Variants in DCHS2 observed in about 807,000 individuals in gnomAD.
DCHS2 encodes protocadherin-23.
In DCHS2, 142 loss-of-function variants were observed where a neutral mutation model predicts 182.4. The ratio of observed to expected loss-of-function variants is 0.78; its 90% CI spans 0.68 to 0.89. The LOEUF (loss-of-function observed/expected upper bound fraction) is 0.89, where lower values mean the gene tolerates loss of function less well. Ranked by LOEUF, DCHS2 falls within the 40% of genes least tolerant of loss-of-function variation. The pLI, the probability that DCHS2 is intolerant of heterozygous loss-of-function variation, is 0.00. For missense variants in DCHS2, 4,319 were observed against 4,198.6 expected (o/e 1.03, Z -0.79); for synonymous variants, 1,740 against 1,663.3 (o/e 1.05, Z -1.12).
intron 2 of DCHS2, among the ~76,000 whole-genome samples, chr4:154,370,361 G>A (rs1730585515): frequency 6.6e-6 from 1 of 152,170 alleles, no homozygotes; most frequent in South Asian, 2.1e-4. Context: ...ATTGAAAAGT[G>A]AGGAAATGGA....
At chr4:154,299,451 A>G (rs1470826660) in intron 12 of DCHS2, among the ~76,000 whole-genome samples, 1 of 152,232 alleles carries the variant, frequency 6.6e-6, no homozygotes, top group Non-Finnish European at 1.5e-5. Flanking sequence ...CCTGAAAATT[A>G]GTGAAGAAAA....
At chr4:154,433,381 G>T (rs1272795391) in intron 1 of DCHS2, among the ~76,000 whole-genome samples, 8 of 127,572 alleles carry the variant, frequency 6.3e-5, no homozygotes, top group South Asian at 2.5e-4. Context: ...CAAATAACTA[G>T]TTTTTTTTTT....
At chr4:154,296,318 G>C (rs536829241) in intron 13 of DCHS2, among the ~76,000 whole-genome samples, 1 of 152,250 alleles carries the variant, frequency 6.6e-6, no homozygotes, top group African/African-American at 2.4e-5. Context: ...ATCTGGCTTG[G>C]AAATGCGAGG....
At chr4:154,357,264 A>T (rs777947918) in intron 3 of DCHS2, 3 of 1,613,486 alleles carry the variant, frequency 1.9e-6, no homozygotes, top group South Asian at 2.2e-5. Context: ...ACTGTTCATT[A>T]CTTCCTTGTC....
chr4:154,472,711 A>T (rs964353436), intron 1 of DCHS2, among the ~76,000 whole-genome samples: 1 of 152,090 alleles, frequency 6.6e-6, no homozygotes, highest in African/African-American at 2.4e-5. Context: ...TGGATATGAA[A>T]ACCCATATTA....
At chr4:154,305,586 A>C (rs1290499386) in intron 10 of DCHS2, among the ~76,000 whole-genome samples, 1 of 152,238 alleles carries the variant, frequency 6.6e-6, no homozygotes, top group African/African-American at 2.4e-5. Flanking sequence ...GTAAGCTTGC[A>C]GGGCAAATGA....
intron 1 of DCHS2, among the ~76,000 whole-genome samples, chr4:154,396,847 G>C (rs1318722622): frequency 2.0e-5 from 3 of 152,158 alleles, no homozygotes; most frequent in Non-Finnish European, 2.9e-5. Flanking sequence ...GCCCGCAGCT[G>C]AGGTAATCTT....
At chr4:154,373,678 T>A (rs1020745139) in intron 2 of DCHS2, among the ~76,000 whole-genome samples, 4 of 151,938 alleles carry the variant, frequency 2.6e-5, no homozygotes, top group African/African-American at 9.7e-5. Context: ...TCAGGAGGGG[T>A]CCTGCTTCCA....
intron 17 of DCHS2, 39 bp downstream of exon 17, chr4:154,242,603 A>G (rs761360612): frequency 6.3e-7 from 1 of 1,596,944 alleles, no homozygotes; most frequent in East Asian, 2.3e-5. Flanking sequence ...GATATTATAC[A>G]AGTTAATCAA....
Position 154,233,781 on chromosome 4 carries a change from C to T in DCHS2, c.*755G>A, listed in dbSNP as rs946094147. 6.6e-6 allele frequency: 1 copy of T among 152,148 alleles called. No homozygotes were observed. The highest frequency in any genetic ancestry group is 1.5e-5 in the Non-Finnish European group (1 of 68,018). 9.4% of individuals were successfully genotyped at this position (152,148 alleles called of 1,614,324 possible). A position where few individuals can be genotyped will look rare whatever the true frequency, so the allele number is the denominator to read the frequency against. On this transcript the variant is annotated 3_prime_UTR_variant, in exon 20 of 20. Transcript: ENST00000357232. The stretch of plus-strand genomic sequence containing the variant: ...ATATGTTTCAGGTGGTAGCAAACCA[C>T]ATAAATATTGCGAGTATCAATCCTG...
At chr4:154,349,859 G>T (rs1446669014) in intron 3 of DCHS2, among the ~76,000 whole-genome samples, 1 of 152,136 alleles carries the variant, frequency 6.6e-6, no homozygotes, top group Non-Finnish European at 1.5e-5. Context: ...AAAAATAAAA[G>T]TTAGAAAATG....
intron 3 of DCHS2, among the ~76,000 whole-genome samples, chr4:154,345,931 T>C (rs1471491726): frequency 6.6e-6 from 1 of 152,216 alleles, no homozygotes; most frequent in Non-Finnish European, 1.5e-5. Context: ...CGCTCACACT[T>C]CTGGAGGCTG....
At chr4:154,375,917 T>C (rs559757569) in intron 2 of DCHS2, among the ~76,000 whole-genome samples, 1 of 152,324 alleles carries the variant, frequency 6.6e-6, no homozygotes, top group South Asian at 2.1e-4. Context: ...GAACTATTGC[T>C]ATACACAACA....
chr4:154,385,655 T>C (rs1731380440), intron 1 of DCHS2, among the ~76,000 whole-genome samples: 2 of 57,136 alleles, frequency 3.5e-5, no homozygotes, highest in Non-Finnish European at 6.9e-5. Context: ...CTCAATTACT[T>C]TTTTTTTTCT....
chr4:154,281,571 T>C (rs1018084027), intron 13 of DCHS2, among the ~76,000 whole-genome samples: 2 of 152,114 alleles, frequency 1.3e-5, no homozygotes, highest in Non-Finnish European at 2.9e-5. Context: ...GTTTATGAAA[T>C]GGAAGACAAT....
chr4:154,406,216 C>G (rs761417234), intron 1 of DCHS2, among the ~76,000 whole-genome samples: 1 of 152,242 alleles, frequency 6.6e-6, no homozygotes, highest in Non-Finnish European at 1.5e-5. Flanking sequence ...CACGCAGATT[C>G]TCAGAACTTC....
At chr4:154,324,923 C>T (rs188577994) in intron 7 of DCHS2, among the ~76,000 whole-genome samples, 43 of 152,092 alleles carry the variant, frequency 2.8e-4, no homozygotes, top group Non-Finnish European at 4.9e-4. Flanking sequence ...CATTATTTTA[C>T]CATATATTTT....
At chr4:154,446,407 T>C (rs1734286334) in intron 1 of DCHS2, among the ~76,000 whole-genome samples, 1 of 152,234 alleles carries the variant, frequency 6.6e-6, no homozygotes, top group East Asian at 1.9e-4. Context: ...AGGTAAAGCC[T>C]AGAGTCTGTT....
chr4:154,412,323 AC>A (rs1732665050), intron 1 of DCHS2, among the ~76,000 whole-genome samples: 1 of 152,254 alleles, frequency 6.6e-6, no homozygotes, highest in South Asian at 2.1e-4. Context: ...ACAACGTTTT[AC>A]CCCCATCAAT....
Sources: gnomAD v4.1 joint callset for allele counts (sites outside exome capture counted in the v4.1 genomes callset) on GRCh38, gnomAD v4.1.1 for gene constraint, MANE v1.5 for transcripts, NCBI Gene and HGNC (gene_info 2026-07-23, HGNC 2026-07-21) for gene names.